The following CNTN4 variants were observed in gnomAD, a reference collection of about 807,000 sequenced individuals.
CNTN4 encodes contactin-4.
CNTN4 carries 77 observed loss-of-function variants against 122.5 expected under a neutral mutation model. That is an observed-to-expected ratio of 0.63 (90% confidence interval 0.52 to 0.76). CNTN4 has a LOEUF of 0.76. Ranked by LOEUF, CNTN4 falls within the 30% of genes least tolerant of loss-of-function variation. CNTN4 has a pLI of 0.00. For missense variants in CNTN4, 1,256 were observed against 1,259.1 expected, an observed-to-expected ratio of 1.00 and a Z score of 0.04; for synonymous variants, 512 against 447.0, an observed-to-expected ratio of 1.15 and a Z score of -1.83.
intron 2 of CNTN4, among the ~76,000 whole-genome samples, chr3:2,189,954 A>G (rs1345250999): frequency 6.6e-6 from 1 of 152,174 alleles, no homozygotes; most frequent in Non-Finnish European, 1.5e-5. Flanking sequence ...TTGTGACACA[A>G]AGGCTTGGAC....
At chr3:2,774,312 C>T (rs187054016) in intron 6 of CNTN4, among the ~76,000 whole-genome samples, 333 of 152,042 alleles carry the variant, frequency 2.2e-3, no homozygotes, top group Non-Finnish European at 3.6e-3. Context: ...TGCATTACCC[C>T]CACCCCAATC....
In CNTN4 at chr3:2,819,540, A is replaced by G; in HGVS notation, c.413A>G (p.Gln138Arg). The change falls in exon 7 of 25, where the codon CAA (glutamine) becomes CGA (arginine). Residue 138 changes from glutamine (Q) to arginine (R), a missense_variant. Gln to Arg is a conservative substitution (Grantham distance 43). Coordinates refer to ENST00000418658, the MANE Select transcript of CNTN4 (RefSeq NM_175607.3). Reference sequence around the variant, plus strand: ...AGCACTGTGTCTGTCCGTCGAGGTCAAGGAATGGTGCTACTGTGTGGCCCG... The same window carrying G: ...AGCACTGTGTCTGTCCGTCGAGGTCGAGGAATGGTGCTACTGTGTGGCCCG... ...TRSTVSVRRG[Q>R]GMVLLCGPPP... is the part of the protein sequence containing the mutation. The G allele has an allele frequency of 6.2e-7, 1 of 1,614,182 alleles. No individual in the cohort carries two copies. Among genetic ancestry groups the G allele is most frequent in the Non-Finnish European group, 8.5e-7 (1 of 1,179,996 alleles).
chr3:2,862,762 G>GT (rs372780484), intron 7 of CNTN4, among the ~76,000 whole-genome samples: 6 of 152,016 alleles, frequency 3.9e-5, no homozygotes, highest in African/African-American at 9.7e-5. Context: ...AGTTTATTTT[G>GT]TTTTATTTAC....
chr3:3,045,603 G>A (rs1700566942), intron 23 of CNTN4, among the ~76,000 whole-genome samples: 1 of 152,168 alleles, frequency 6.6e-6, no homozygotes. Flanking sequence ...AAACAGAAAG[G>A]ACATCCACAC....
intron 3 of CNTN4, among the ~76,000 whole-genome samples, chr3:2,499,452 T>G (rs532372814): frequency 6.6e-6 from 1 of 152,338 alleles, no homozygotes; most frequent in Non-Finnish European, 1.5e-5. Context: ...CTATAATTAT[T>G]GAATTTACTA....
At chr3:2,710,836 G>C (rs2087102832) in intron 4 of CNTN4, among the ~76,000 whole-genome samples, 1 of 152,148 alleles carries the variant, frequency 6.6e-6, no homozygotes, top group South Asian at 2.1e-4. Context: ...TGTGGCAAAG[G>C]CTTTCCATAC....
chr3:2,642,587 G>A (rs961428954), intron 4 of CNTN4, among the ~76,000 whole-genome samples: 4 of 152,034 alleles, frequency 2.6e-5, no homozygotes, highest in Non-Finnish European at 4.4e-5. Context: ...CACATATACA[G>A]GTATGTGTAT....
At chr3:2,501,173 T>C (rs2076584550) in intron 3 of CNTN4, among the ~76,000 whole-genome samples, 1 of 152,178 alleles carries the variant, frequency 6.6e-6, no homozygotes, top group Non-Finnish European at 1.5e-5. Context: ...GATAGACATG[T>C]CCCTATATAG....
chr3:2,810,926 A>G (rs2092590007), intron 6 of CNTN4, among the ~76,000 whole-genome samples: 2 of 152,172 alleles, frequency 1.3e-5, no homozygotes, highest in South Asian at 4.1e-4. Context: ...AGCACCTGGG[A>G]CAGCTCTGAA....
At chr3:2,516,190 T>C (rs1237084226) in intron 3 of CNTN4, among the ~76,000 whole-genome samples, 1 of 152,076 alleles carries the variant, frequency 6.6e-6, no homozygotes, top group African/African-American at 2.4e-5. Flanking sequence ...TATATATATA[T>C]TTTTGATGCA....
intron 3 of CNTN4, among the ~76,000 whole-genome samples, chr3:2,548,242 G>A (rs1421503525): frequency 1.3e-5 from 2 of 151,966 alleles, no homozygotes; most frequent in African/African-American, 2.4e-5. Flanking sequence ...GTCATGAAGT[G>A]TTTGCCCATG....
chr3:2,970,044 C>G (rs554174741), intron 13 of CNTN4, among the ~76,000 whole-genome samples: 1 of 152,230 alleles, frequency 6.6e-6, no homozygotes, highest in African/African-American at 2.4e-5. Flanking sequence ...TTTTGACTCC[C>G]CAAAACCTTA....
chr3:2,467,118 T>C (rs558927288), intron 3 of CNTN4, among the ~76,000 whole-genome samples: 76 of 150,414 alleles, frequency 5.1e-4, no homozygotes, highest in African/African-American at 1.8e-3. Flanking sequence ...CATTGGATGA[T>C]ATGCAAAATT....
intron 13 of CNTN4, among the ~76,000 whole-genome samples, chr3:2,947,988 G>T (rs960389542): frequency 1.3e-5 from 2 of 150,402 alleles, no homozygotes; most frequent in East Asian, 1.9e-4. Flanking sequence ...CAATTTAATT[G>T]TAGGGAAAAA....
At chr3:2,128,586 G>A (rs1191214818) in intron 2 of CNTN4, among the ~76,000 whole-genome samples, 2 of 152,138 alleles carry the variant, frequency 1.3e-5, no homozygotes, top group African/African-American at 4.8e-5. Flanking sequence ...GACAGATTTT[G>A]TCAAACAAGC....
At chr3:2,172,277 T>A (rs1358123562) in intron 2 of CNTN4, among the ~76,000 whole-genome samples, 1 of 152,180 alleles carries the variant, frequency 6.6e-6, no homozygotes, top group African/African-American at 2.4e-5. Flanking sequence ...TGGAGGCCAT[T>A]ATTCTAAATG....
intron 2 of CNTN4, among the ~76,000 whole-genome samples, chr3:2,194,878 T>C (rs1274604500): frequency 6.6e-6 from 1 of 152,164 alleles, no homozygotes; most frequent in Non-Finnish European, 1.5e-5. Context: ...TTCAGACTTC[T>C]AGCCTCTGGA....
At chr3:2,807,815 CA>C (rs2092506671) in intron 6 of CNTN4, among the ~76,000 whole-genome samples, 1 of 152,130 alleles carries the variant, frequency 6.6e-6, no homozygotes, top group African/African-American at 2.4e-5. Context: ...TTCTGCAGAG[CA>C]TGGATGCCAG....
At chr3:2,840,254 T>A (rs1221915133) in intron 7 of CNTN4, among the ~76,000 whole-genome samples, 1 of 152,150 alleles carries the variant, frequency 6.6e-6, no homozygotes, top group East Asian at 1.9e-4. Context: ...GCCAGAAAGT[T>A]AACCCAAGAT....
Sources: allele counts gnomAD v4.1 joint callset (sites outside exome capture counted in the v4.1 genomes callset), GRCh38; gene constraint gnomAD v4.1.1; transcripts MANE v1.5; gene names NCBI Gene and HGNC (gene_info 2026-07-23, HGNC 2026-07-21).